Variants in STXBP4 observed in about 807,000 individuals in gnomAD.
STXBP4 encodes syntaxin binding protein 4, also known as syntaxin-binding protein 4.
Under a neutral mutation model 76.1 loss-of-function variants are expected in STXBP4, and 55 were observed. That is an observed-to-expected ratio of 0.72 (90% CI 0.58 to 0.91). STXBP4 has a LOEUF of 0.91. Among genes scored for constraint, STXBP4 ranks in the 40% least tolerant of loss-of-function variants. The probability of loss-of-function intolerance (pLI) is 0.00; values close to 1 mark genes in which losing one functional copy is unlikely to be tolerated. For missense variants in STXBP4, 618 were observed against 636.9 expected, an observed-to-expected ratio of 0.97 and a Z score of 0.32; for synonymous variants, 201 against 220.2, an observed-to-expected ratio of 0.91 and a Z score of 0.77.
intron 4 of STXBP4, 145 bp downstream of exon 4, chr17:54,991,102 A>G (rs1383491441): frequency 2.3e-6 from 2 of 856,936 alleles, no homozygotes; most frequent in African/African-American, 3.5e-5. Context: ...AGATAAGACT[A>G]TTGCCCTCAA....
At chr17:55,050,547 G>A (rs1598266110) in intron 12 of STXBP4, among the ~76,000 whole-genome samples, 2 of 152,078 alleles carry the variant, frequency 1.3e-5, no homozygotes, top group African/African-American at 4.8e-5. Flanking sequence ...TTAATAATAA[G>A]CAACTACCAA....
intron 16 of STXBP4, among the ~76,000 whole-genome samples, chr17:55,114,003 A>C (rs889390908): frequency 6.6e-6 from 1 of 152,100 alleles, no homozygotes; most frequent in Non-Finnish European, 1.5e-5. Flanking sequence ...ATAGAAGAAC[A>C]ACTGATTTTT....
the STXBP4 span, among the ~76,000 whole-genome samples, chr17:55,208,833 G>A: frequency 6.6e-6 from 1 of 152,032 alleles, no homozygotes; most frequent in Non-Finnish European, 1.5e-5. Flanking sequence ...TGTAATTCCA[G>A]CACTTTGGGA....
chr17:55,075,080 A>G (rs948374338), intron 13 of STXBP4, among the ~76,000 whole-genome samples: 2 of 151,846 alleles, frequency 1.3e-5, no homozygotes, highest in Admixed American at 1.3e-4. Context: ...TTCACCTTCA[A>G]CATAAGAAAT....
chr17:55,136,571 A>G (rs1370294102), intron 16 of STXBP4, among the ~76,000 whole-genome samples: 1 of 152,126 alleles, frequency 6.6e-6, no homozygotes, highest in Non-Finnish European at 1.5e-5. Context: ...GTGTATTACT[A>G]TGCATTTCTT....
chr17:55,128,578 T>G (rs1383830169), intron 16 of STXBP4, among the ~76,000 whole-genome samples: 1 of 152,212 alleles, frequency 6.6e-6, no homozygotes, highest in Admixed American at 6.5e-5. Flanking sequence ...TGGACACAAC[T>G]ATAAGATTTC....
chr17:55,185,189 TTTCTTC>T, the STXBP4 span, among the ~76,000 whole-genome samples: 257 of 87,708 alleles, frequency 2.9e-3, no homozygotes, highest in East Asian at 0.01. Context: ...TCTTCTTCTT[TTTCTTC>T]TTCTTCTTCT....
At chr17:55,014,370 A>G (rs900197422) in intron 8 of STXBP4, among the ~76,000 whole-genome samples, 2 of 152,128 alleles carry the variant, frequency 1.3e-5, no homozygotes, top group Non-Finnish European at 2.9e-5. Context: ...GTCTCTCCCT[A>G]ACAAGGGAGT....
rs11387036 is a variant in STXBP4 at position 55,163,836 on chromosome 17, G to GA, written c.*3933dup. On this transcript the variant is annotated 3_prime_UTR_variant, in exon 18 of 18. Transcript: ENST00000376352. ...TATTAACACCTCTTGACTAGAAAAG[G>GA]AAAAAAAAGGAACATGCCGTATGAA... is the stretch of plus-strand genomic sequence containing the variant. The GA allele has an allele frequency of 0.65, 98,527 of 151,872 alleles. 32,953 individuals carry two copies. The highest frequency in any genetic ancestry group is 0.82 in the African/African-American group (33,726 of 41,290). The allele number at this position is 151,872 out of a possible 1,614,324, so 9.4% of individuals were successfully genotyped here. A position where few individuals can be genotyped will look rare whatever the true frequency, so the allele number is the denominator to read the frequency against.
Position 55,167,506 on chromosome 17 carries a change from T to A in STXBP4, c.*7595T>A, listed in dbSNP as rs2080382577. The A allele has an allele frequency of 6.6e-6, 1 of 152,184 alleles. No individual in the cohort carries two copies. The highest frequency in any genetic ancestry group is 2.4e-5 in the African/African-American group (1 of 41,440). The allele number at this position is 152,184 out of a possible 1,614,324, so 9.4% of individuals were successfully genotyped here. On this transcript the variant is annotated 3_prime_UTR_variant, in exon 18 of 18. Coordinates refer to ENST00000376352, the MANE Select transcript of STXBP4 (RefSeq NM_178509.6). ...AAGAAGGAAGTGTATGCTACTTAAG[T>A]TGGGCCATAAAACTCACAGTATGAT... is the stretch of plus-strand genomic sequence containing the variant.
intron 11 of STXBP4, among the ~76,000 whole-genome samples, chr17:55,045,054 G>T (rs1006683214): frequency 6.6e-6 from 1 of 151,798 alleles, no homozygotes; most frequent in Non-Finnish European, 1.5e-5. Flanking sequence ...GTATCTTTGG[G>T]CATTTGTACA....
At chr17:55,049,215 A>C (rs540504399) in intron 12 of STXBP4, among the ~76,000 whole-genome samples, 1 of 152,090 alleles carries the variant, frequency 6.6e-6, no homozygotes, top group East Asian at 1.9e-4. Context: ...TACTAAGGGA[A>C]TATTTCACAC....
At chr17:55,155,303 G>T (rs77697454) in intron 17 of STXBP4, among the ~76,000 whole-genome samples, 1 of 152,026 alleles carries the variant, frequency 6.6e-6, no homozygotes, top group Non-Finnish European at 1.5e-5. Flanking sequence ...GGTTCACCTT[G>T]TGTTCCTACC....
At chr17:55,116,619 G>A (rs1010924821) in intron 16 of STXBP4, among the ~76,000 whole-genome samples, 6 of 150,700 alleles carry the variant, frequency 4.0e-5, no homozygotes, top group Admixed American at 2.0e-4. Flanking sequence ...TAACTGTAAC[G>A]TGTTAAGACT....
intron 7 of STXBP4, among the ~76,000 whole-genome samples, chr17:55,003,379 T>C (rs2077950958): frequency 6.6e-6 from 1 of 152,216 alleles, no homozygotes; most frequent in Non-Finnish European, 1.5e-5. Context: ...ACGGAACATT[T>C]TTCTAGAGTA....
chr17:55,052,925 G>A (rs1432306673), intron 12 of STXBP4, among the ~76,000 whole-genome samples: 1 of 137,616 alleles, frequency 7.3e-6, no homozygotes, highest in Admixed American at 7.2e-5. Flanking sequence ...ACGTGTGTGT[G>A]TGTGTGTGTG....
At chr17:55,065,451 C>T (rs1050875333) in intron 12 of STXBP4, among the ~76,000 whole-genome samples, 1 of 152,140 alleles carries the variant, frequency 6.6e-6, no homozygotes, top group Non-Finnish European at 1.5e-5. Flanking sequence ...AGACAGATCT[C>T]CCTTAAGTCC....
intron 8 of STXBP4, among the ~76,000 whole-genome samples, chr17:55,026,299 A>T (rs1296439988): frequency 6.6e-6 from 1 of 152,142 alleles, no homozygotes; most frequent in Non-Finnish European, 1.5e-5. Flanking sequence ...AATGCAAAAG[A>T]CCCAAAATAG....
At chr17:55,096,772 T>A (rs941413805) in intron 16 of STXBP4, among the ~76,000 whole-genome samples, 17 of 152,186 alleles carry the variant, frequency 1.1e-4, no homozygotes, top group African/African-American at 4.1e-4. Context: ...TAATAATAAA[T>A]GTTCCTAGGT....
Sources: allele counts gnomAD v4.1 joint callset (sites outside exome capture counted in the v4.1 genomes callset), GRCh38; gene constraint gnomAD v4.1.1; transcripts MANE v1.5; gene names NCBI Gene and HGNC (gene_info 2026-07-23, HGNC 2026-07-21).